Variants in KDM4A observed in about 807,000 individuals in gnomAD.
The protein encoded by KDM4A is lysine demethylase 4A.
A neutral mutation model predicts 127.1 loss-of-function variants in KDM4A; 23 were observed. The ratio of observed to expected loss-of-function variants is 0.18; its 90% CI spans 0.13 to 0.26. KDM4A has a LOEUF of 0.26. Ranked by LOEUF, KDM4A falls within the 10% of genes least tolerant of loss-of-function variation. The pLI, the probability that KDM4A is intolerant of heterozygous loss-of-function variation, is 1.00. For missense variants in KDM4A, 890 were observed against 1,329.1 expected (o/e 0.67, Z 5.14); for synonymous variants, 443 against 466.5 (o/e 0.95, Z 0.65).
intron 19 of KDM4A, among the ~76,000 whole-genome samples, chr1:43,701,884 A>T (rs1321929361): frequency 6.6e-6 from 1 of 152,246 alleles, no homozygotes; most frequent in Non-Finnish European, 1.5e-5. Context: ...GAGACAACCA[A>T]AAGTGTCTTA....
intron 5 of KDM4A, among the ~76,000 whole-genome samples, chr1:43,663,804 T>A (rs1162947299): frequency 6.6e-6 from 1 of 151,568 alleles, no homozygotes; most frequent in Admixed American, 6.6e-5. Context: ...TTTTCCTTCT[T>A]TTTTTTTAGG....
chr1:43,662,606 C>T (rs1466316232), intron 4 of KDM4A, among the ~76,000 whole-genome samples: 2 of 152,146 alleles, frequency 1.3e-5, no homozygotes, highest in Non-Finnish European at 2.9e-5. Context: ...GACTCCGTCT[C>T]AAAAACAAAC....
intron 18 of KDM4A, among the ~76,000 whole-genome samples, chr1:43,695,719 A>G (rs1661225567): frequency 6.6e-6 from 1 of 152,254 alleles, no homozygotes; most frequent in African/African-American, 2.4e-5. Context: ...CAGTTAGTCC[A>G]GGAGAGAGTG....
At chr1:43,665,242 T>C (rs1660473953) in intron 5 of KDM4A, among the ~76,000 whole-genome samples, 1 of 152,186 alleles carries the variant, frequency 6.6e-6, no homozygotes, top group Non-Finnish European at 1.5e-5. Flanking sequence ...GCTAGGTCTC[T>C]TAAGTGTCAG....
intron 11 of KDM4A, among the ~76,000 whole-genome samples, chr1:43,672,185 C>T (rs929860306): frequency 9.9e-5 from 15 of 152,078 alleles, no homozygotes; most frequent in African/African-American, 3.6e-4. Context: ...ACTTGGATCA[C>T]AATGCCTTTT....
Position 43,655,618 on chromosome 1 carries a change from CG to C in KDM4A, c.167del (p.Arg56GlnfsTer20). The C allele has an allele frequency of 6.2e-7, 1 of 1,610,890 alleles. No homozygotes were observed. The highest frequency in any genetic ancestry group is 1.1e-5 in the South Asian group (1 of 90,536). On this transcript the variant is annotated frameshift_variant, in exon 3 of 22. Transcript: ENST00000372396. LOFTEE classifies it high-confidence loss of function. ...TGTTCCTCCAAAAGAGTGGAAGCCACGAGCATCCTATGATGACATTGATGAT... is the reference window on the plus strand; with the variant it reads ...TGTTCCTCCAAAAGAGTGGAAGCCACAGCATCCTATGATGACATTGATGAT... ...KVVPPKEWKPRASYDDIDDLV... is the reference protein window; with the variant it reads ...KVVPPKEWKPXASYDDIDDLV...
At chr1:43,662,523 C>T (rs1331586056) in intron 4 of KDM4A, among the ~76,000 whole-genome samples, 1 of 152,178 alleles carries the variant, frequency 6.6e-6, no homozygotes, top group African/African-American at 2.4e-5. Context: ...CAGGGAATTG[C>T]TTGAGCCCGG....
chr1:43,654,116 G>A (rs759423247), intron 2 of KDM4A, among the ~76,000 whole-genome samples: 1 of 152,210 alleles, frequency 6.6e-6, no homozygotes, highest in African/African-American at 2.4e-5. Context: ...CTTATCTGCA[G>A]ATACGGCTAC....
chr1:43,699,095 T>C (rs537246070), intron 19 of KDM4A, among the ~76,000 whole-genome samples: 1 of 150,006 alleles, frequency 6.7e-6, no homozygotes, highest in Admixed American at 6.6e-5. Context: ...GGCCTTATTT[T>C]TTTTTTTTTT....
rs1661048016 is a variant in KDM4A at position 43,688,958 on chromosome 1, G to A, written c.1900G>A (p.Glu634Lys). 2 of 1,614,120 alleles carry A rather than the reference G, an allele frequency of 1.2e-6. No individual in the cohort carries two copies. Among genetic ancestry groups the A allele is most frequent in the Non-Finnish European group, 1.7e-6 (2 of 1,180,048 alleles). The change falls in exon 13 of 22, where the codon GAG becomes AAG. Residue 634 changes from glutamate to lysine, a missense_variant. By Grantham distance (56) the Glu-to-Lys change is moderately conservative. This residue lies in a region of KDM4A where 389 missense variants were observed against 485.9 expected (regional missense o/e 0.80). Coordinates refer to ENST00000372396, the MANE Select transcript of KDM4A (RefSeq NM_014663.3). The surrounding 1 kb of genome is among the most constrained non-coding windows in gnomAD (Gnocchi z 4.4). ...LTPEEEAEET[E>K]AWAKPLSQLW... ...CCCTGAGGAAGAGGCTGAGGAGACA[G>A]AGGCCTGGGCCAAGCCTCTGAGCCA...
At chr1:43,698,949 C>T (rs1040278927) in intron 19 of KDM4A, among the ~76,000 whole-genome samples, 13 of 151,860 alleles carry the variant, frequency 8.6e-5, no homozygotes, top group Admixed American at 2.0e-4. Flanking sequence ...CCACCACAGC[C>T]GGCTAATTTT....
At chr1:43,676,043 T>C (rs1660733023) in intron 11 of KDM4A, among the ~76,000 whole-genome samples, 1 of 144,128 alleles carries the variant, frequency 6.9e-6, no homozygotes, top group Admixed American at 7.1e-5. Flanking sequence ...ATCACACCAC[T>C]GCACTCCAGT....
At chr1:43,665,159 T>C (rs761709962) in intron 5 of KDM4A, among the ~76,000 whole-genome samples, 1 of 152,198 alleles carries the variant, frequency 6.6e-6, no homozygotes, top group African/African-American at 2.4e-5. Flanking sequence ...AGAGAGGTAA[T>C]TGATTGTTGG....
intron 3 of KDM4A, among the ~76,000 whole-genome samples, chr1:43,659,742 T>C (rs1660328175): frequency 6.6e-6 from 1 of 152,276 alleles, no homozygotes; most frequent in African/African-American, 2.4e-5. Context: ...AGCTATTTTA[T>C]ATTTTTACTA....
chr1:43,669,114 G>T lies in KDM4A; in HGVS notation c.1178G>T (p.Arg393Leu), dbSNP rs773852936. The T allele has an allele frequency of 3.1e-6, 5 of 1,614,064 alleles. No homozygotes were observed. In the South Asian group the frequency reaches 5.5e-5, roughly 18 times the overall value. ...GDLKTSLAKH[R>L]IGTKRHRVCL... Reference sequence around the variant, plus strand: ...CTCCCTTGCAGCCTGGCCAAGCACCGAATAGGGACAAAGAGGCACCGAGTT... The same window carrying T: ...CTCCCTTGCAGCCTGGCCAAGCACCTAATAGGGACAAAGAGGCACCGAGTT... Residue 393 changes from arginine to leucine, a missense_variant, in exon 10 of 22, where the codon CGA (arginine) becomes CTA (leucine). This residue lies in a region of KDM4A where 389 missense variants were observed against 485.9 expected (regional missense o/e 0.80). Transcript: ENST00000372396.
intron 18 of KDM4A, among the ~76,000 whole-genome samples, chr1:43,697,191 G>T (rs1413373407): frequency 1.3e-5 from 2 of 152,240 alleles, no homozygotes; most frequent in Non-Finnish European, 1.5e-5. Flanking sequence ...GGAACAGCAA[G>T]GGGGGCCAGC....
chr1:43,669,329 C>A, intron 10 of KDM4A, 30 bp downstream of exon 10: 1 of 1,601,970 alleles, frequency 6.2e-7, no homozygotes, highest in South Asian at 1.1e-5. Flanking sequence ...TTTTCCACAA[C>A]CCTAACTCAT....
At chr1:43,651,311 T>C (rs1307417157) in intron 1 of KDM4A, among the ~76,000 whole-genome samples, 3 of 152,222 alleles carry the variant, frequency 2.0e-5, no homozygotes, top group East Asian at 1.9e-4. Context: ...GTAAGCAGTA[T>C]AGAGCAGTGG....
rs1016794732 is a variant in KDM4A, at chr1:43,663,916, G to A, written c.623+829G>A. Among the ~76,000 whole-genome samples, 5 of 152,132 alleles carry A rather than the reference G, an allele frequency of 3.3e-5. No homozygotes were observed. In the South Asian group the frequency reaches 6.2e-4, roughly 19 times the overall value. ...TGCAAAGTGCTAGGATTACAGGCATGAGCCACTGTACCCGGCCCATCTCAG... is the reference window on the plus strand; with the variant it reads ...TGCAAAGTGCTAGGATTACAGGCATAAGCCACTGTACCCGGCCCATCTCAG... On this transcript the variant is annotated intron_variant, in intron 5 of 21. Coordinates refer to ENST00000372396, the MANE Select transcript of KDM4A (RefSeq NM_014663.3).
Sources: allele counts gnomAD v4.1 joint callset (sites outside exome capture counted in the v4.1 genomes callset), GRCh38; gene constraint gnomAD v4.1.1; regional missense constraint gnomAD v4.1.1; non-coding constraint Gnocchi (gnomAD v3.1); transcripts MANE v1.5; gene names NCBI Gene and HGNC (gene_info 2026-07-23, HGNC 2026-07-21).